The following FBXO31 variants were observed in gnomAD, a reference collection of about 807,000 sequenced individuals.
FBXO31 encodes the protein F-box protein 31, also known as F-box only protein 31.
A neutral mutation model predicts 54.4 loss-of-function variants in FBXO31; 24 were observed. The ratio of observed to expected loss-of-function variants is 0.44; its 90% CI spans 0.32 to 0.62. The LOEUF is 0.62. Among genes scored for constraint, FBXO31 ranks in the 20% least tolerant of loss-of-function variants. The pLI is 0.05. For synonymous variants in FBXO31, 388 were observed against 335.6 expected, an observed-to-expected ratio of 1.16 and a Z score of -1.71; for missense variants, 665 against 787.1, an observed-to-expected ratio of 0.84 and a Z score of 1.86.
chr16:87,378,198 T>A (rs1906914781), intron 1 of FBXO31, among the ~76,000 whole-genome samples: 1 of 148,982 alleles, frequency 6.7e-6, no homozygotes, highest in Non-Finnish European at 1.5e-5. Flanking sequence ...TCTATCCAGA[T>A]TACATAAATA....
intron 1 of FBXO31, among the ~76,000 whole-genome samples, chr16:87,366,114 G>C (rs1447637282): frequency 6.6e-6 from 1 of 152,162 alleles, no homozygotes; most frequent in East Asian, 1.9e-4. Flanking sequence ...CCCAGAGGAG[G>C]CACGAGGACT....
chr16:87,364,034 A>AGCTGCGGCCGCAGGCTG (rs2150688270), intron 1 of FBXO31, among the ~76,000 whole-genome samples: 1 of 152,242 alleles, frequency 6.6e-6, no homozygotes, highest in East Asian at 1.9e-4. Context: ...GCGGGGTGAG[A>AGCTGCGGCCGCAGGCTG]GCTGCGGCCG....
chr16:87,338,113 C>T lies in FBXO31; in HGVS notation c.733-1849G>A, dbSNP rs1017525764. Reference sequence around the variant, plus strand: ...GAAGATGAGCATGTGTAGCCATGACCTCGCTTTACATAAAGAGGTCCAAGC... The same window carrying T: ...GAAGATGAGCATGTGTAGCCATGACTTCGCTTTACATAAAGAGGTCCAAGC... On this transcript the variant is annotated intron_variant, in intron 5 of 8. Coordinates refer to ENST00000311635, the MANE Select transcript of FBXO31 (RefSeq NM_024735.5). The surrounding 1 kb of genome is among the most constrained non-coding windows in gnomAD (Gnocchi z 4.3). 2.6e-5 allele frequency among the ~76,000 whole-genome samples: 4 copies of T among 152,118 alleles called. No homozygotes were observed. The highest frequency in any genetic ancestry group is 4.4e-5 in the Non-Finnish European group (3 of 68,030).
intron 1 of FBXO31, among the ~76,000 whole-genome samples, chr16:87,375,912 C>G (rs967244145): frequency 6.6e-6 from 1 of 152,222 alleles, no homozygotes; most frequent in Non-Finnish European, 1.5e-5. Context: ...CCCCTGCCGC[C>G]ACCCTCAGCC....
rs1396630708 is a variant in FBXO31, at chr16:87,331,572, T to A, written c.1398-62A>T. ...AGGGCTGAGTCAAATGCACGCCACGTACAGCATTCTGCGACCCCGCTCTGT... is the reference window on the plus strand; with the variant it reads ...AGGGCTGAGTCAAATGCACGCCACGAACAGCATTCTGCGACCCCGCTCTGT... On this transcript the variant is annotated intron_variant, in intron 8 of 8. Transcript: ENST00000311635. 12 of 1,375,334 alleles carry A rather than the reference T, an allele frequency of 8.7e-6. No homozygotes were observed. The Admixed American group carries it at 2.4e-4, about 28-fold the overall frequency. 85.2% of individuals were successfully genotyped at this position (1,375,334 alleles called of 1,614,324 possible).
At chr16:87,387,115 A>G (rs1907350510), upstream of FBXO31, among the ~76,000 whole-genome samples, 1 of 152,036 alleles carries the variant, frequency 6.6e-6, no homozygotes. Context: ...CAACGAAGTG[A>G]AACCCCATCT....
chr16:87,349,794 A>T (rs1373456728), intron 2 of FBXO31, among the ~76,000 whole-genome samples: 1 of 151,592 alleles, frequency 6.6e-6, no homozygotes, highest in Non-Finnish European at 1.5e-5. Flanking sequence ...TTATGGTCCC[A>T]GCTACCCAGG....
rs552342120 is a variant in FBXO31 at position 87,330,461 on chromosome 16, T to G, written c.*827A>C. On this transcript the variant is annotated 3_prime_UTR_variant, in exon 9 of 9. Transcript: ENST00000311635. ...CAGCTTGGTTTTGACGCCGTGTGCG[T>G]GCAGGGAGGAAGGCATGGACAAAAC... 1.3e-5 allele frequency: 2 copies of G among 152,488 alleles called. No homozygotes were observed. The highest frequency in any genetic ancestry group is 3.4e-3 in the Middle Eastern group (1 of 296). The allele number at this position is 152,488 out of a possible 1,614,324, so 9.4% of individuals were successfully genotyped here.
At position 87,346,743 on chromosome 16, in the gene FBXO31, C is replaced by A. The variant is rs898680053; in HGVS notation, c.489+431G>T. 5.9e-5 allele frequency among the ~76,000 whole-genome samples: 9 copies of A among 152,128 alleles called. No homozygotes were observed. The highest frequency in any genetic ancestry group is 1.3e-4 in the Non-Finnish European group (9 of 68,018). On this transcript the variant is annotated intron_variant, in intron 3 of 8. Coordinates refer to ENST00000311635, the MANE Select transcript of FBXO31 (RefSeq NM_024735.5). The surrounding 1 kb of genome is among the most constrained non-coding windows in gnomAD (Gnocchi z 4.2). ...GGCTCCAGTAGGAGGGCACAGGGGG[C>A]GGGAGGCAGGGTGGTCAGAGCGGGT...
chr16:87,339,278 A>T (rs1469850186), intron 5 of FBXO31, among the ~76,000 whole-genome samples: 1 of 152,200 alleles, frequency 6.6e-6, no homozygotes, highest in Non-Finnish European at 1.5e-5. Flanking sequence ...ACCTCCTGGG[A>T]TGTCCTCTTC....
chr16:87,344,080 T>C (rs1414449652), intron 3 of FBXO31, among the ~76,000 whole-genome samples: 2 of 152,254 alleles, frequency 1.3e-5, no homozygotes, highest in East Asian at 3.8e-4. Flanking sequence ...GTTCGCGTCC[T>C]GAGCTGAACA....
upstream of FBXO31, among the ~76,000 whole-genome samples, chr16:87,385,334 T>C (rs1907291217): frequency 6.6e-6 from 1 of 152,082 alleles, no homozygotes; most frequent in African/African-American, 2.4e-5. Flanking sequence ...GGCAGGTGCC[T>C]GTAGTCCCAG....
chr16:87,349,475 G>C (rs1351950230), intron 2 of FBXO31, among the ~76,000 whole-genome samples: 1 of 152,180 alleles, frequency 6.6e-6, no homozygotes, highest in Non-Finnish European at 1.5e-5. Flanking sequence ...CCAGTACTTT[G>C]AGAGGCCAAG....
intron 1 of FBXO31, chr16:87,367,107 C>G (rs1291914754): frequency 6.6e-6 from 1 of 152,010 alleles, no homozygotes; most frequent in Non-Finnish European, 1.5e-5. Context: ...GAGTTCAAGG[C>G]TGCTGTGAGT....
In FBXO31 at chr16:87,383,364, A is replaced by ACCCCCCCCCCCCCCCCCCCC; in HGVS notation, c.340+40_340+41insGGGGGGGGGGGGGGGGGGGG. 7.5e-7 allele frequency: 1 copy of ACCCCCCCCCCCCCCCCCCCC among 1,329,446 alleles called. No homozygotes were observed. Among genetic ancestry groups the ACCCCCCCCCCCCCCCCCCCC allele is most frequent in the Non-Finnish European group, 1.0e-6 (1 of 975,776 alleles). 82.4% of individuals were successfully genotyped at this position (1,329,446 alleles called of 1,614,324 possible). On this transcript the variant is annotated intron_variant, in intron 1 of 8. Transcript: ENST00000311635. This position sits in a 1 kb window ranked among gnomAD's most constrained non-coding sequence, Gnocchi z 4.9. ...GCTCCGAGGCCTCCACCTGGCAGGG[A>ACCCCCCCCCCCCCCCCCCCC]CCCCCCGCCCCTCCCGGCCCCGCCA...
chr16:87,361,669 G>A lies in FBXO31; in HGVS notation c.341-1303C>T, dbSNP rs1022936300. ...ACATGCCTTTTGATAAGCCCTACTC[G>A]CGCAGAGGCCTCATCCCTTCTTTTC... On this transcript the variant is annotated intron_variant, in intron 1 of 8. Transcript: ENST00000311635. Among the ~76,000 whole-genome samples the A allele has an allele frequency of 4.6e-5, 7 of 152,308 alleles. No individual in the cohort carries two copies. In the South Asian group the frequency reaches 8.3e-4, roughly 18 times the overall value.
In FBXO31 at chr16:87,334,150, C is replaced by T. The variant is rs773284363; in HGVS notation, c.1133G>A (p.Arg378His). Residue 378 changes from arginine to histidine, a missense_variant, in exon 8 of 9, where the codon CGC becomes CAC. Coordinates refer to ENST00000311635, the MANE Select transcript of FBXO31 (RefSeq NM_024735.5). ...GTGCCCGCCTTCCTGCTGCTCCTGG[C>T]GCACCCTCTCGCGCACCTCCAGGAC... ...RIVLEVRERV[R>H]QEQQEGGHEA... 22 of 1,612,180 alleles carry T rather than the reference C, an allele frequency of 1.4e-5. No individual in the cohort carries two copies. The highest frequency in any genetic ancestry group is 2.2e-5 in the East Asian group (1 of 44,868).
At chr16:87,343,814 C>G (rs1905270873) in intron 3 of FBXO31, 49 bp from the exon 4 acceptor site, 3 of 1,603,880 alleles carry the variant, frequency 1.9e-6, no homozygotes, top group Non-Finnish European at 1.7e-6. Flanking sequence ...CGGGCCAGAG[C>G]AAGGGCGGCC....
Position 87,383,314 on chromosome 16 carries a change from G to A in FBXO31, c.340+91C>T, listed in dbSNP as rs1597382311. On this transcript the variant is annotated intron_variant, in intron 1 of 8. Coordinates refer to ENST00000311635, the MANE Select transcript of FBXO31 (RefSeq NM_024735.5). This position sits in a 1 kb window ranked among gnomAD's most constrained non-coding sequence, Gnocchi z 4.9. ...CGCGCCCAACTGGTGGCCCCCGGCC[G>A]GGGCCACCGCCCCCGCCACTCCCAG... 30 of 1,222,946 alleles carry A rather than the reference G, an allele frequency of 2.5e-5. No individual in the cohort carries two copies. Among genetic ancestry groups the A allele is most frequent in the South Asian group, 9.9e-5 (6 of 60,796 alleles). 75.8% of individuals were successfully genotyped at this position (1,222,946 alleles called of 1,614,324 possible).
Sources: gnomAD v4.1 joint callset for allele counts (sites outside exome capture counted in the v4.1 genomes callset) on GRCh38, gnomAD v4.1.1 for gene constraint, Gnocchi (gnomAD v3.1) non-coding constraint, MANE v1.5 for transcripts, NCBI Gene and HGNC (gene_info 2026-07-23, HGNC 2026-07-21) for gene names.